The following PRELID2 variants were observed in gnomAD, a reference collection of about 807,000 sequenced individuals.
PRELID2 encodes the protein PRELI domain containing 2, also known as PRELI domain-containing protein 2.
A neutral mutation model predicts 28.4 loss-of-function variants in PRELID2; 25 were observed. The ratio of observed to expected loss-of-function variants is 0.88; its 90% CI spans 0.64 to 1.23. The LOEUF is 1.23. Ranked by LOEUF, PRELID2 falls within the 50% of genes most tolerant of loss-of-function variation. The pLI, the probability that PRELID2 is intolerant of heterozygous loss-of-function variation, is 0.00. For missense variants in PRELID2, 201 were observed against 214.4 expected (o/e 0.94, Z 0.39); for synonymous variants, 76 against 71.6 (o/e 1.06, Z -0.31).
chr5:145,387,306 GC>G, the PRELID2 span, among the ~76,000 whole-genome samples: 33,214 of 151,960 alleles, frequency 0.22, 3,769 homozygotes, highest in South Asian at 0.33. Flanking sequence ...TATTCAAGGA[GC>G]AAAAATGTGG....
At chr5:145,303,312 A>C in the PRELID2 span, among the ~76,000 whole-genome samples, 1 of 152,210 alleles carries the variant, frequency 6.6e-6, no homozygotes, top group South Asian at 2.1e-4. Context: ...CCTTAAGTGC[A>C]CTGTATTATC....
chr5:145,747,775 C>A (rs956505921), intron 1 of PRELID2, among the ~76,000 whole-genome samples: 1 of 152,172 alleles, frequency 6.6e-6, no homozygotes, highest in Non-Finnish European at 1.5e-5. Flanking sequence ...TACTGGCAAA[C>A]CAAATCCAGC....
chr5:145,249,434 C>T, the PRELID2 span, among the ~76,000 whole-genome samples: 1 of 152,104 alleles, frequency 6.6e-6, no homozygotes, highest in Non-Finnish European at 1.5e-5. Flanking sequence ...CTTCTAAAAT[C>T]CTCAGAGGAT....
chr5:145,639,005 A>G (rs2149662758), intron 1 of PRELID2, among the ~76,000 whole-genome samples: 1 of 152,350 alleles, frequency 6.6e-6, no homozygotes, highest in Non-Finnish European at 1.5e-5. Flanking sequence ...TTAGACCTGG[A>G]TTAGGTATTT....
At position 145,826,663 on chromosome 5, in the gene PRELID2, C is replaced by T. The variant is rs184685117; in HGVS notation, c.76-3529G>A. Among the ~76,000 whole-genome samples the T allele has an allele frequency of 2.5e-3, 377 of 152,212 alleles. 3 individuals are homozygous for T. The highest frequency in any genetic ancestry group is 8.3e-3 in the African/African-American group (343 of 41,526). ...GACGTGCCTAAAGCTGTTGTATCTG[C>T]TTGCTTTAGTTTTTACATATTAAAA... On this transcript the variant is annotated intron_variant, in intron 1 of 6. Coordinates refer to ENST00000683046, the MANE Select transcript of PRELID2 (RefSeq NM_205846.3).
chr5:145,398,048 A>G, the PRELID2 span, among the ~76,000 whole-genome samples: 48 of 152,262 alleles, frequency 3.2e-4, no homozygotes, highest in African/African-American at 1.2e-3. Context: ...CTTGTGCATT[A>G]CTTAAATCCC....
chr5:145,666,436 C>T (rs926490534), intron 1 of PRELID2, among the ~76,000 whole-genome samples: 2 of 150,006 alleles, frequency 1.3e-5, no homozygotes, highest in African/African-American at 2.5e-5. Context: ...CAAAGGAAGA[C>T]TGGGAGTGTT....
At chr5:145,619,314 G>A (rs970592511) in intron 1 of PRELID2, among the ~76,000 whole-genome samples, 1 of 152,196 alleles carries the variant, frequency 6.6e-6, no homozygotes, top group African/African-American at 2.4e-5. Context: ...CGCTCCCAAA[G>A]GACCTGTGAT....
the PRELID2 span, among the ~76,000 whole-genome samples, chr5:145,303,340 C>T: frequency 6.6e-6 from 1 of 152,076 alleles, no homozygotes; most frequent in Non-Finnish European, 1.5e-5. Context: ...GATTGTAAGC[C>T]CCCACCAAAA....
chr5:145,286,800 C>A, the PRELID2 span, among the ~76,000 whole-genome samples: 1 of 150,548 alleles, frequency 6.6e-6, no homozygotes, highest in Non-Finnish European at 1.5e-5. Flanking sequence ...CAGCTCACTG[C>A]AACCTCTACC....
chr5:145,771,494 A>G (rs1758102577), intron 5 of PRELID2, among the ~76,000 whole-genome samples: 1 of 151,958 alleles, frequency 6.6e-6, no homozygotes, highest in South Asian at 2.1e-4. Flanking sequence ...AGTAAGACCC[A>G]AAGTCCAGTC....
the PRELID2 span, among the ~76,000 whole-genome samples, chr5:145,269,330 G>T: frequency 6.6e-6 from 1 of 152,020 alleles, no homozygotes; most frequent in East Asian, 1.9e-4. Flanking sequence ...AAATCTTCCA[G>T]AAATCAATTA....
Position 145,757,779 on chromosome 5 carries a change from T to C in PRELID2, c.*2757A>G, listed in dbSNP as rs1340487836. On this transcript the variant is annotated 3_prime_UTR_variant, in exon 7 of 7. Coordinates refer to ENST00000683046, the MANE Select transcript of PRELID2 (RefSeq NM_205846.3). The stretch of plus-strand genomic sequence containing the variant: ...GGCCAGAAGTTCAAGACCAGCCTGA[T>C]AAACATAGTGAGACCCTATCTCAAA... 8.2e-6 allele frequency among the ~76,000 whole-genome samples: 1 copy of C among 121,982 alleles called. No individual in the cohort carries two copies. The highest frequency in any genetic ancestry group is 1.7e-5 in the Non-Finnish European group (1 of 60,524). The allele number at this position is 121,982 out of a possible 152,430, so 80.0% of individuals were successfully genotyped here.
At chr5:145,430,086 G>T in the PRELID2 span, among the ~76,000 whole-genome samples, 1 of 152,210 alleles carries the variant, frequency 6.6e-6, no homozygotes, top group African/African-American at 2.4e-5. Context: ...GTGGTTGTTT[G>T]CTGCCACTAA....
chr5:145,728,273 C>A, intron 1 of PRELID2: 1 of 256,696 alleles, frequency 3.9e-6, no homozygotes, highest in Non-Finnish European at 7.7e-6. Flanking sequence ...CTGTCTGTCC[C>A]TATGATACCT....
At chr5:145,268,490 C>T in the PRELID2 span, among the ~76,000 whole-genome samples, 23 of 152,190 alleles carry the variant, frequency 1.5e-4, no homozygotes, top group African/African-American at 5.5e-4. Context: ...ACAGGTACCT[C>T]CCCACTCCTC....
the PRELID2 span, among the ~76,000 whole-genome samples, chr5:145,422,387 T>G: frequency 6.6e-6 from 1 of 152,202 alleles, no homozygotes; most frequent in Admixed American, 6.5e-5. Context: ...TGTAGGTCAC[T>G]CAGGACTTGC....
At chr5:145,475,331 T>C (rs1270843812) in intron 1 of PRELID2, among the ~76,000 whole-genome samples, 1 of 152,216 alleles carries the variant, frequency 6.6e-6, no homozygotes, top group Non-Finnish European at 1.5e-5. Context: ...ATAAACTATG[T>C]GGGAATGTTA....
chr5:145,612,208 A>G (rs1753626893), intron 1 of PRELID2, among the ~76,000 whole-genome samples: 1 of 152,202 alleles, frequency 6.6e-6, no homozygotes, highest in South Asian at 2.1e-4. Flanking sequence ...AACAAAGATA[A>G]AACAAAACAA....
Sources: gnomAD v4.1 joint callset for allele counts (sites outside exome capture counted in the v4.1 genomes callset) on GRCh38, gnomAD v4.1.1 for gene constraint, MANE v1.5 for transcripts, NCBI Gene and HGNC (gene_info 2026-07-23, HGNC 2026-07-21) for gene names.